RAD51B: variants seen among roughly 807,000 people sequenced by gnomAD.
RAD51B encodes the protein RAD51 paralog B, also known as DNA repair protein RAD51 homolog 2.
RAD51B carries 38 observed loss-of-function variants against 42.2 expected under a neutral mutation model. That is an observed-to-expected ratio of 0.90 (90% CI 0.70 to 1.18). The LOEUF (loss-of-function observed/expected upper bound fraction) is 1.18, where lower values mean the gene tolerates loss of function less well. Among genes scored for constraint, RAD51B ranks in the 50% most tolerant of loss-of-function variants. The pLI is 0.00. For missense variants in RAD51B, 373 were observed against 400.7 expected, an observed-to-expected ratio of 0.93 and a Z score of 0.59; for synonymous variants, 154 against 145.2, an observed-to-expected ratio of 1.06 and a Z score of -0.43.
At chr14:68,181,451 T>C (rs1052047901) in intron 7 of RAD51B, among the ~76,000 whole-genome samples, 3 of 152,214 alleles carry the variant, frequency 2.0e-5, no homozygotes, top group African/African-American at 7.2e-5. Context: ...AAAGGGAAGC[T>C]TTGAAGAATA....
At chr14:68,042,257 A>G (rs577197850) in intron 7 of RAD51B, among the ~76,000 whole-genome samples, 28 of 152,348 alleles carry the variant, frequency 1.8e-4, no homozygotes, top group Non-Finnish European at 3.7e-4. Context: ...TAGAAGTTGC[A>G]TCTATTCATG....
At chr14:68,651,685 A>T (rs915122548) in intron 11 of RAD51B, among the ~76,000 whole-genome samples, 3 of 152,168 alleles carry the variant, frequency 2.0e-5, no homozygotes, top group African/African-American at 7.2e-5. Context: ...AGAAGGTTTG[A>T]CTGTATTTGG....
chr14:68,525,046 C>T (rs1886834458), intron 10 of RAD51B, among the ~76,000 whole-genome samples: 2 of 152,230 alleles, frequency 1.3e-5, no homozygotes, highest in African/African-American at 4.8e-5. Context: ...AGGTGCTAAT[C>T]AGTTGGCTTT....
chr14:68,618,807 G>T (rs1287415952), intron 10 of RAD51B, among the ~76,000 whole-genome samples: 1 of 152,128 alleles, frequency 6.6e-6, no homozygotes, highest in Non-Finnish European at 1.5e-5. Context: ...TACCATAACA[G>T]CAGACCTGAG....
intron 7 of RAD51B, among the ~76,000 whole-genome samples, chr14:68,271,622 T>A (rs76503124): frequency 6.6e-6 from 1 of 152,168 alleles, no homozygotes; most frequent in Non-Finnish European, 1.5e-5. Context: ...CATTACCTTA[T>A]ACAATTTTTA....
intron 8 of RAD51B, among the ~76,000 whole-genome samples, chr14:68,337,577 C>T (rs1051935282): frequency 1.3e-5 from 2 of 152,166 alleles, no homozygotes; most frequent in African/African-American, 4.8e-5. Context: ...TACCTATTGC[C>T]ATTCCATGGG....
At chr14:67,971,956 C>T (rs1203966029) in intron 7 of RAD51B, among the ~76,000 whole-genome samples, 1 of 151,424 alleles carries the variant, frequency 6.6e-6, no homozygotes, top group East Asian at 1.9e-4. Context: ...AGCATTACCA[C>T]AACAGTGCAT....
Position 67,897,169 on chromosome 14 carries a change from T to C in RAD51B, c.756+9965T>C, listed in dbSNP as rs116602389. Among the ~76,000 whole-genome samples the C allele has an allele frequency of 8.2e-3, 1,241 of 152,256 alleles. 15 individuals are homozygous for C. The highest frequency in any genetic ancestry group is 0.028 in the African/African-American group (1,161 of 41,534). ...AGAAGAGAACATAGAGGAAAAGCTTTGTGACAGCAGCCTTGGCAATGATTT... is the reference window on the plus strand; with the variant it reads ...AGAAGAGAACATAGAGGAAAAGCTTCGTGACAGCAGCCTTGGCAATGATTT... On this transcript the variant is annotated intron_variant, in intron 7 of 10. Coordinates refer to ENST00000471583, the MANE Select transcript of RAD51B (RefSeq NM_133510.4).
At chr14:68,374,510 G>T (rs1176268871) in intron 8 of RAD51B, among the ~76,000 whole-genome samples, 1 of 152,032 alleles carries the variant, frequency 6.6e-6, no homozygotes, top group African/African-American at 2.4e-5. Context: ...AAGTTTCCTT[G>T]GCAAAGATTT....
At chr14:68,641,066 A>T (rs144684624) in intron 10 of RAD51B, among the ~76,000 whole-genome samples, 4 of 152,342 alleles carry the variant, frequency 2.6e-5, no homozygotes, top group Non-Finnish European at 5.9e-5. Flanking sequence ...ATTTGAACTC[A>T]TCTTTTAATG....
chr14:68,414,037 C>T (rs2084486879), intron 9 of RAD51B, among the ~76,000 whole-genome samples: 1 of 151,984 alleles, frequency 6.6e-6, no homozygotes, highest in Non-Finnish European at 1.5e-5. Flanking sequence ...GAGCTCTACA[C>T]CAGGGCTCTT....
intron 7 of RAD51B, among the ~76,000 whole-genome samples, chr14:68,048,617 T>C (rs1250650418): frequency 6.6e-6 from 1 of 152,240 alleles, no homozygotes; most frequent in Admixed American, 6.5e-5. Flanking sequence ...TTAATTTTTG[T>C]GTAAGGCAAT....
chr14:68,410,854 A>C (rs1187230342), intron 8 of RAD51B, among the ~76,000 whole-genome samples: 1 of 152,108 alleles, frequency 6.6e-6, no homozygotes, highest in Non-Finnish European at 1.5e-5. Context: ...AAGGTAAAGG[A>C]ATGTTTCTCT....
chr14:68,682,764 C>T (rs1893459687), intron 11 of RAD51B, among the ~76,000 whole-genome samples: 1 of 151,718 alleles, frequency 6.6e-6, no homozygotes, highest in South Asian at 2.1e-4. Context: ...AGAAGATTCG[C>T]ATGTCGTGAA....
chr14:67,843,297 C>A, intron 4 of RAD51B: 1 of 148,478 alleles, frequency 6.7e-6, no homozygotes, highest in Admixed American at 6.7e-5. Context: ...GTCCCTCCCC[C>A]CCTCCCCCAC....
At chr14:67,931,087 AT>A (rs914828934) in intron 7 of RAD51B, among the ~76,000 whole-genome samples, 1 of 151,352 alleles carries the variant, frequency 6.6e-6, no homozygotes, top group Non-Finnish European at 1.5e-5. Flanking sequence ...CGCCTGGCTA[AT>A]TTTTTTGTAT....
intron 7 of RAD51B, among the ~76,000 whole-genome samples, chr14:67,889,740 T>C (rs1396860177): frequency 6.6e-6 from 1 of 152,078 alleles, no homozygotes; most frequent in Non-Finnish European, 1.5e-5. Flanking sequence ...AATTAATCGA[T>C]ATCACTTGAT....
intron 8 of RAD51B, among the ~76,000 whole-genome samples, chr14:68,353,488 T>C (rs1157250413): frequency 6.6e-6 from 1 of 152,168 alleles, no homozygotes; most frequent in African/African-American, 2.4e-5. Context: ...AGGGCTAGAA[T>C]ATTGCCACAG....
At chr14:68,302,496 G>A (rs888946411) in intron 8 of RAD51B, among the ~76,000 whole-genome samples, 24 of 152,162 alleles carry the variant, frequency 1.6e-4, no homozygotes, top group African/African-American at 4.8e-4. Flanking sequence ...ATGGAATCCA[G>A]GCAGGGGCCG....
Sources: allele counts gnomAD v4.1 joint callset (sites outside exome capture counted in the v4.1 genomes callset), GRCh38; gene constraint gnomAD v4.1.1; transcripts MANE v1.5; gene names NCBI Gene and HGNC (gene_info 2026-07-23, HGNC 2026-07-21).